Variants in THSD4 observed in about 807,000 individuals in gnomAD.
THSD4 encodes thrombospondin type 1 domain containing 4.
Under a neutral mutation model 119.0 loss-of-function variants are expected in THSD4, and 69 were observed. The observed-to-expected ratio is 0.58, with a 90% CI of 0.48 to 0.71. The LOEUF (loss-of-function observed/expected upper bound fraction) is 0.71, where lower values mean the gene tolerates loss of function less well. Ranked by LOEUF, THSD4 falls within the 30% of genes least tolerant of loss-of-function variation. The probability of loss-of-function intolerance (pLI) is 0.00; values close to 1 mark genes in which losing one functional copy is unlikely to be tolerated. For synonymous variants in THSD4, 524 were observed against 540.4 expected (o/e 0.97, Z 0.42); for missense variants, 1,393 against 1,391.1 (o/e 1.00, Z -0.02).
At chr15:71,433,338 A>G (rs374673760) in intron 7 of THSD4, among the ~76,000 whole-genome samples, 1 of 151,418 alleles carries the variant, frequency 6.6e-6, no homozygotes, top group African/African-American at 2.4e-5. Flanking sequence ...TTGAACTGAC[A>G]CATTTGTCTA....
chr15:71,124,521 C>T (rs1567132141), intron 1 of THSD4, among the ~76,000 whole-genome samples: 2 of 152,246 alleles, frequency 1.3e-5, no homozygotes, highest in South Asian at 4.1e-4. Context: ...AAATCATTCA[C>T]GGACATTCCA....
chr15:71,458,461 AC>A (rs1338646586), intron 7 of THSD4, among the ~76,000 whole-genome samples: 8 of 152,236 alleles, frequency 5.3e-5, no homozygotes, highest in Non-Finnish European at 1.0e-4. Context: ...ATGTAAAAAA[AC>A]AACAGTACTG....
chr15:71,492,233 G>C (rs1595822208), intron 7 of THSD4, among the ~76,000 whole-genome samples: 1 of 151,664 alleles, frequency 6.6e-6, no homozygotes, highest in South Asian at 2.1e-4. Flanking sequence ...TAGTATGGCT[G>C]TTCCTCGTCT....
chr15:71,254,775 G>C (rs1408144856), intron 5 of THSD4, among the ~76,000 whole-genome samples: 1 of 152,204 alleles, frequency 6.6e-6, no homozygotes, highest in Non-Finnish European at 1.5e-5. Context: ...CTTTAGGGTT[G>C]CCAGCAGGTT....
rs547618329 is a variant in THSD4 at position 71,341,115 on chromosome 15, C to T, written c.1016-70572C>T. 5.2e-5 allele frequency: 67 copies of T among 1,283,702 alleles called. No individual in the cohort carries two copies. In the African/African-American group the frequency reaches 8.7e-4, roughly 17 times the overall value. 79.5% of individuals were successfully genotyped at this position (1,283,702 alleles called of 1,614,324 possible). A position where few individuals can be genotyped will look rare whatever the true frequency, so the allele number is the denominator to read the frequency against. ...GTCTCTTCTGTCTTCCCTCTCTCTC[C>T]CTTTTTTTTTTCCTTTTAATTACAT... On this transcript the variant is annotated intron_variant, in intron 6 of 17. Coordinates refer to ENST00000261862, the MANE Select transcript of THSD4 (RefSeq NM_024817.3).
chr15:71,693,133 A>C (rs563911921), intron 8 of THSD4, among the ~76,000 whole-genome samples: 1 of 152,274 alleles, frequency 6.6e-6, no homozygotes, highest in East Asian at 1.9e-4. Context: ...GGTGGGGGGA[A>C]ACCTAGCCTA....
intron 1 of THSD4, among the ~76,000 whole-genome samples, chr15:71,124,337 A>T (rs2040434806): frequency 6.6e-6 from 1 of 152,202 alleles, no homozygotes; most frequent in South Asian, 2.1e-4. Context: ...ATGCCATAAA[A>T]TGTTCTTTTC....
At chr15:71,470,272 T>G (rs1472432434) in intron 7 of THSD4, among the ~76,000 whole-genome samples, 1 of 152,170 alleles carries the variant, frequency 6.6e-6, no homozygotes, top group African/African-American at 2.4e-5. Flanking sequence ...GGAAAAAACC[T>G]GATAGTTTGT....
intron 6 of THSD4, among the ~76,000 whole-genome samples, chr15:71,325,931 C>T (rs1442841743): frequency 3.3e-5 from 5 of 152,092 alleles, no homozygotes; most frequent in African/African-American, 7.2e-5. Flanking sequence ...TTTTCCTCAC[C>T]CCTGAGTAAT....
intron 3 of THSD4, chr15:71,184,182 G>T (rs1416699509): frequency 6.6e-6 from 1 of 151,868 alleles, no homozygotes; most frequent in Non-Finnish European, 1.5e-5. Context: ...CCTCTTTAAA[G>T]TATTCTCCCT....
chr15:71,347,662 C>G (rs2045684132), intron 6 of THSD4, among the ~76,000 whole-genome samples: 2 of 152,156 alleles, frequency 1.3e-5, no homozygotes, highest in Admixed American at 6.5e-5. Context: ...AATGTGCTAG[C>G]CAGTAGTCCC....
At chr15:71,647,209 A>G (rs1272093913) in intron 7 of THSD4, among the ~76,000 whole-genome samples, 2 of 152,222 alleles carry the variant, frequency 1.3e-5, no homozygotes, top group South Asian at 4.1e-4. Context: ...ATACAAGTGC[A>G]TATTGTTAGT....
chr15:71,225,569 A>T (rs2044010390), intron 4 of THSD4, among the ~76,000 whole-genome samples: 1 of 116,208 alleles, frequency 8.6e-6, no homozygotes. Flanking sequence ...TTTTTTTGAG[A>T]CGGAGTTTCG....
At chr15:71,273,796 AT>A (rs1217521993) in intron 6 of THSD4, among the ~76,000 whole-genome samples, 1 of 152,198 alleles carries the variant, frequency 6.6e-6, no homozygotes, top group African/African-American at 2.4e-5. Flanking sequence ...TAGCTTTCTT[AT>A]TTTGCAAGCA....
chr15:71,759,454 A>G (rs555159734), intron 15 of THSD4, among the ~76,000 whole-genome samples: 58 of 152,332 alleles, frequency 3.8e-4, no homozygotes, highest in Non-Finnish European at 6.6e-4. Context: ...CGAGGTTTTC[A>G]TAAGATGCTA....
upstream of THSD4, chr15:71,110,623 G>A (rs2141343747): frequency 6.4e-6 from 1 of 156,382 alleles, no homozygotes; most frequent in Non-Finnish European, 1.4e-5. Flanking sequence ...AGGCCTCCAG[G>A]ACAGCAGCGG....
At chr15:71,735,507 CCT>C (rs2053068151) in intron 10 of THSD4, among the ~76,000 whole-genome samples, 1 of 142,026 alleles carries the variant, frequency 7.0e-6, no homozygotes, top group South Asian at 2.3e-4. Flanking sequence ...TCTGTCTGTC[CCT>C]CTCTGTCTCT....
intron 7 of THSD4, among the ~76,000 whole-genome samples, chr15:71,583,022 G>A (rs1182273022): frequency 6.6e-6 from 1 of 152,070 alleles, no homozygotes; most frequent in African/African-American, 2.4e-5. Context: ...TTCTTTAAAG[G>A]TTTGGTAGAA....
At position 71,747,042 on chromosome 15, in the gene THSD4, G is replaced by C. The variant is rs201613877; in HGVS notation, c.2241G>C (p.Ser747=). The C allele has an allele frequency of 3.7e-6, 6 of 1,601,596 alleles. No individual in the cohort carries two copies. The East Asian group carries it at 1.1e-4, about 30-fold the overall frequency. The change falls in exon 13 of 18, where the codon TCG becomes TCC. Residue 747 remains serine (S), a splice_region_variant and synonymous_variant. Transcript: ENST00000261862. ...SEWQIRTDWT[S]CSVPCGVGQR... ...GGCAGATCCGGACCGACTGGACCTC[G>C]GTACGCAGGCAGGGCAGCCCGCTCT...
Sources: allele counts gnomAD v4.1 joint callset (sites outside exome capture counted in the v4.1 genomes callset), GRCh38; gene constraint gnomAD v4.1.1; transcripts MANE v1.5; gene names NCBI Gene and HGNC (gene_info 2026-07-23, HGNC 2026-07-21).